NHS: variants seen among roughly 807,000 people sequenced by gnomAD.
NHS encodes actin remodeling regulator NHS.
NHS carries 5 observed loss-of-function variants against 72.5 expected under a neutral mutation model. The observed-to-expected ratio is 0.07, with a 90% CI of 0.04 to 0.14. The LOEUF is 0.14. Ranked by LOEUF, NHS falls within the 10% of genes least tolerant of loss-of-function variation. The probability of loss-of-function intolerance (pLI) is 1.00; values close to 1 mark genes in which losing one functional copy is unlikely to be tolerated. For synonymous variants in NHS, 464 were observed against 547.7 expected (o/e 0.85, Z 2.13); for missense variants, 1,072 against 1,355.7 (o/e 0.79, Z 3.29).
At chrX:17,684,404 A>T (rs2066148749) in intron 1 of NHS, among the ~76,000 whole-genome samples, 1 of 111,551 alleles carries the variant, frequency 9.0e-6, no homozygotes, top group African/African-American at 3.3e-5. Context: ...GCTCAGGGTT[A>T]ACTGGGCTGA....
At chrX:17,713,152 T>C (rs1189290651) in intron 3 of NHS, among the ~76,000 whole-genome samples, 1 of 111,786 alleles carries the variant, frequency 8.9e-6, no homozygotes, top group Non-Finnish European at 1.9e-5. Flanking sequence ...AAGAATGACA[T>C]GTGAAGAAGG....
intron 1 of NHS, among the ~76,000 whole-genome samples, chrX:17,467,642 A>T (rs1346559480): frequency 8.9e-6 from 1 of 112,303 alleles, no homozygotes; most frequent in Non-Finnish European, 1.9e-5. Context: ...AATTAAATTA[A>T]TTACCATTGC....
chrX:17,678,293 TGAGA>T (rs756746897), intron 1 of NHS, among the ~76,000 whole-genome samples: 144 of 101,846 alleles, frequency 1.4e-3, no homozygotes, highest in Middle Eastern at 4.9e-3. Context: ...TGTGTGTGTG[TGAGA>T]GAGAGAGAGA....
chrX:17,645,498 C>T (rs766249984), intron 1 of NHS, among the ~76,000 whole-genome samples: 57 of 111,680 alleles, frequency 5.1e-4, no homozygotes, highest in African/African-American at 1.8e-3. Context: ...CAGCTTACTG[C>T]CCGAAGCCTG....
At chrX:17,501,715 G>A (rs992817366) in intron 1 of NHS, among the ~76,000 whole-genome samples, 4 of 112,531 alleles carry the variant, frequency 3.6e-5, no homozygotes, top group African/African-American at 1.3e-4. Context: ...GCAACAGAGC[G>A]AGACCCTGTC....
At chrX:17,473,961 A>C (rs927724993) in intron 1 of NHS, among the ~76,000 whole-genome samples, 1 of 109,691 alleles carries the variant, frequency 9.1e-6, no homozygotes, top group Non-Finnish European at 1.9e-5. Flanking sequence ...GGTACACGTG[A>C]AGGTTTGTTA....
At chrX:17,563,814 A>C (rs2065427916) in intron 1 of NHS, among the ~76,000 whole-genome samples, 1 of 94,060 alleles carries the variant, frequency 1.1e-5, no homozygotes, top group South Asian at 6.3e-4. Flanking sequence ...CGGGTGGGGG[A>C]GGTGGAGAGG....
intron 1 of NHS, among the ~76,000 whole-genome samples, chrX:17,545,890 C>G (rs1429414948): frequency 8.9e-6 from 1 of 112,022 alleles, no homozygotes; most frequent in Non-Finnish European, 1.9e-5. Flanking sequence ...GAGCAACATG[C>G]CAATTATTTT....
intron 1 of NHS, among the ~76,000 whole-genome samples, chrX:17,486,090 C>A (rs1308148452): frequency 8.9e-6 from 1 of 112,080 alleles, no homozygotes; most frequent in Non-Finnish European, 1.9e-5. Context: ...TGTGTTTCCC[C>A]AGCACCTAGT....
intron 1 of NHS, among the ~76,000 whole-genome samples, chrX:17,487,357 T>G (rs902260650): frequency 6.3e-5 from 7 of 111,549 alleles, no homozygotes; most frequent in African/African-American, 2.3e-4. Flanking sequence ...CTTTGGGCCT[T>G]GGGAGGCTTC....
intron 1 of NHS, among the ~76,000 whole-genome samples, chrX:17,389,067 G>A (rs946288277): frequency 9.0e-6 from 1 of 111,654 alleles, no homozygotes; most frequent in African/African-American, 3.3e-5. Context: ...CTTCTCCTAC[G>A]GTCTTGTTGA....
intron 1 of NHS, among the ~76,000 whole-genome samples, chrX:17,622,937 T>A (rs773835825): frequency 2.5e-4 from 27 of 107,946 alleles, no homozygotes; most frequent in Admixed American, 1.3e-3. Flanking sequence ...TAAAAAAAAA[T>A]TTTTTTTTTA....
intron 1 of NHS, among the ~76,000 whole-genome samples, chrX:17,532,977 T>C (rs2065205745): frequency 8.9e-6 from 1 of 112,140 alleles, no homozygotes; most frequent in Non-Finnish European, 1.9e-5. Context: ...GCCTGTAGTA[T>C]AGAGATGCTG....
intron 1 of NHS, among the ~76,000 whole-genome samples, chrX:17,531,565 TC>T (rs1377374029): frequency 8.9e-6 from 1 of 112,174 alleles, no homozygotes; most frequent in Admixed American, 9.4e-5. Flanking sequence ...GCACCATTAT[TC>T]CCCCCTCCTC....
intron 1 of NHS, among the ~76,000 whole-genome samples, chrX:17,453,649 T>C (rs2064814835): frequency 8.9e-6 from 1 of 112,528 alleles, no homozygotes; most frequent in African/African-American, 3.2e-5. Context: ...CCATGTAGTT[T>C]ACCTTATACA....
At chrX:17,439,758 A>G (rs1417021820) in intron 1 of NHS, among the ~76,000 whole-genome samples, 2 of 112,332 alleles carry the variant, frequency 1.8e-5, no homozygotes, top group Non-Finnish European at 3.7e-5. Context: ...TTTTGTGTGT[A>G]TATGTGTGAG....
chrX:17,391,365 G>A (rs1204174826), intron 1 of NHS, among the ~76,000 whole-genome samples: 2 of 111,915 alleles, frequency 1.8e-5, no homozygotes, highest in Admixed American at 1.9e-4. Context: ...CTGTGAAATG[G>A]AGATACTATT....
At chrX:17,533,091 A>G (rs1010074596) in intron 1 of NHS, among the ~76,000 whole-genome samples, 6 of 111,847 alleles carry the variant, frequency 5.4e-5, no homozygotes, top group African/African-American at 2.0e-4. Flanking sequence ...AAAGGCCAGT[A>G]AGTTGCTGGC....
intron 1 of NHS, among the ~76,000 whole-genome samples, chrX:17,480,557 G>T (rs1261635556): frequency 8.9e-6 from 1 of 112,104 alleles, no homozygotes; most frequent in Non-Finnish European, 1.9e-5. Flanking sequence ...AATAAATGGT[G>T]TTGGGGAAAC....
Sources: allele counts gnomAD v4.1 joint callset (sites outside exome capture counted in the v4.1 genomes callset), GRCh38; gene constraint gnomAD v4.1.1; transcripts MANE v1.5; gene names NCBI Gene and HGNC (gene_info 2026-07-23, HGNC 2026-07-21).